The following CCDC171 variants were observed in gnomAD, a reference collection of about 807,000 sequenced individuals.
The protein encoded by CCDC171 is coiled-coil domain-containing protein 171.
A neutral mutation model predicts 168.2 loss-of-function variants in CCDC171; 177 were observed. That is an observed-to-expected ratio of 1.05 (90% CI 0.93 to 1.19). The LOEUF (loss-of-function observed/expected upper bound fraction) is 1.19, where lower values mean the gene tolerates loss of function less well. CCDC171 is among the 50% of genes most tolerant of loss of function. CCDC171 has a pLI of 0.00. For synonymous variants in CCDC171, 687 were observed against 540.8 expected (o/e 1.27, Z -3.75); for missense variants, 1,991 against 1,539.0 (o/e 1.29, Z -4.91).
Position 15,860,361 on chromosome 9 carries a change from A to C in CCDC171, c.3468+11414A>C, listed in dbSNP as rs535802321. ...GTTGAGGTGCCAAATTAAATCGTTT[A>C]TGCGACATCTTTCTTTTTTTTAATG... is the stretch of plus-strand genomic sequence containing the variant. On this transcript the variant is annotated intron_variant, in intron 23 of 25. Coordinates refer to ENST00000380701, the MANE Select transcript of CCDC171 (RefSeq NM_173550.4). Among the ~76,000 whole-genome samples the C allele has an allele frequency of 2.0e-5, 3 of 150,326 alleles. No individual in the cohort carries two copies. In the South Asian group the frequency reaches 6.3e-4, roughly 32 times the overall value.
intron 6 of CCDC171, among the ~76,000 whole-genome samples, chr9:15,616,220 G>A (rs963077907): frequency 2.0e-5 from 3 of 152,112 alleles, no homozygotes; most frequent in Admixed American, 2.0e-4. Context: ...CCAAAGTGCT[G>A]GGATTACAGG....
chr9:15,656,084 C>T (rs933869217), intron 7 of CCDC171, among the ~76,000 whole-genome samples: 1 of 152,070 alleles, frequency 6.6e-6, no homozygotes, highest in East Asian at 1.9e-4. Context: ...CTTTGGGAGG[C>T]CGAGGCGGGC....
At chr9:15,830,911 T>C (rs1327848552) in intron 21 of CCDC171, among the ~76,000 whole-genome samples, 1 of 152,112 alleles carries the variant, frequency 6.6e-6, no homozygotes, top group Non-Finnish European at 1.5e-5. Flanking sequence ...AATGAGTTCC[T>C]TTTGGCTGTT....
intron 16 of CCDC171, among the ~76,000 whole-genome samples, chr9:15,735,852 T>C (rs906219425): frequency 2.0e-5 from 3 of 152,194 alleles, no homozygotes; most frequent in African/African-American, 7.2e-5. Context: ...ATACCTCTAA[T>C]GAAATTGTGG....
chr9:15,934,222 C>G (rs1227084175), intron 25 of CCDC171, among the ~76,000 whole-genome samples: 38 of 151,266 alleles, frequency 2.5e-4, no homozygotes, highest in Admixed American at 2.5e-3. Flanking sequence ...GACCTCATCT[C>G]TACAAAAACT....
intron 6 of CCDC171, among the ~76,000 whole-genome samples, chr9:15,610,455 A>ACAAAAAAAAAC (rs1564043946): frequency 8.1e-6 from 1 of 124,186 alleles, no homozygotes; most frequent in Non-Finnish European, 1.7e-5. Flanking sequence ...AAAAAAAAAA[A>ACAAAAAAAAAC]AAAAAAAAAA....
chr9:15,855,217 C>T (rs1454621610), intron 23 of CCDC171, among the ~76,000 whole-genome samples: 1 of 151,592 alleles, frequency 6.6e-6, no homozygotes, highest in African/African-American at 2.4e-5. Flanking sequence ...TCCTCTTCAA[C>T]TTGGTCAGTT....
chr9:15,701,406 T>G (rs970813572), intron 11 of CCDC171, among the ~76,000 whole-genome samples: 2 of 152,164 alleles, frequency 1.3e-5, no homozygotes, highest in Non-Finnish European at 2.9e-5. Context: ...CCATTTTTAG[T>G]TGATTTTTTA....
At chr9:16,059,999 T>C (rs536297852) in intron 1 of CCDC171, among the ~76,000 whole-genome samples, 1 of 152,168 alleles carries the variant, frequency 6.6e-6, no homozygotes, top group African/African-American at 2.4e-5. Context: ...ATGAAAAGCA[T>C]ATTTTTAATA....
chr9:15,966,727 G>T (rs1830827032), intron 25 of CCDC171, among the ~76,000 whole-genome samples: 2 of 152,050 alleles, frequency 1.3e-5, no homozygotes, highest in South Asian at 4.1e-4. Context: ...CCCATGCCTT[G>T]ATGTCAGTAA....
the CCDC171 span, among the ~76,000 whole-genome samples, chr9:16,073,998 A>G: frequency 2.0e-5 from 3 of 152,118 alleles, no homozygotes; most frequent in Non-Finnish European, 4.4e-5. Flanking sequence ...TTCTAGAACA[A>G]TCTAGCCACA....
chr9:15,872,877 G>T (rs7867018), intron 23 of CCDC171, among the ~76,000 whole-genome samples: 6,866 of 152,076 alleles, frequency 0.045, 331 homozygotes, highest in South Asian at 0.13. Context: ...ATTCATACAT[G>T]TAAAATATAA....
rs886670417 is a variant in CCDC171 at position 15,626,908 on chromosome 9, T to C, written c.822+3495T>C. 8.5e-4 allele frequency among the ~76,000 whole-genome samples: 130 copies of C among 152,354 alleles called. 1 individual carries two copies. Among genetic ancestry groups the C allele is most frequent in the African/African-American group, 2.8e-3 (117 of 41,592 alleles). Reference sequence around the variant, plus strand: ...AAGGAATGGTACCAGCTCCTCCTTGTACCTCTGGTAGAATTTGGTTGTGAA... The same window carrying C: ...AAGGAATGGTACCAGCTCCTCCTTGCACCTCTGGTAGAATTTGGTTGTGAA... On this transcript the variant is annotated intron_variant, in intron 7 of 25. Transcript: ENST00000380701.
At chr9:15,823,552 A>T (rs921674191) in intron 21 of CCDC171, among the ~76,000 whole-genome samples, 2 of 152,110 alleles carry the variant, frequency 1.3e-5, no homozygotes, top group African/African-American at 2.4e-5. Flanking sequence ...CAGTCACAAC[A>T]TGTTAAGATA....
intron 7 of CCDC171, among the ~76,000 whole-genome samples, chr9:15,633,704 A>G (rs928640425): frequency 5.9e-5 from 9 of 152,134 alleles, no homozygotes; most frequent in Non-Finnish European, 1.3e-4. Context: ...AAATCATTCT[A>G]CTATACAGAC....
chr9:15,923,842 G>A (rs1168635361), intron 25 of CCDC171, among the ~76,000 whole-genome samples: 2 of 151,282 alleles, frequency 1.3e-5, no homozygotes, highest in South Asian at 4.1e-4. Flanking sequence ...ATTGTTATTA[G>A]TTTAGTGGCT....
intron 18 of CCDC171, among the ~76,000 whole-genome samples, chr9:15,748,266 A>T (rs1445570036): frequency 6.6e-6 from 1 of 152,202 alleles, no homozygotes; most frequent in East Asian, 1.9e-4. Flanking sequence ...AGAAGACAAG[A>T]TTAGAGAAAA....
At chr9:15,561,211 G>A (rs1378412072) in intron 1 of CCDC171, among the ~76,000 whole-genome samples, 1 of 152,054 alleles carries the variant, frequency 6.6e-6, no homozygotes, top group Admixed American at 6.6e-5. Flanking sequence ...GGTGTAGAGT[G>A]AAATGAGACA....
chr9:15,655,174 A>T (rs2047831230), intron 7 of CCDC171, among the ~76,000 whole-genome samples: 1 of 28,028 alleles, frequency 3.6e-5, no homozygotes, highest in Non-Finnish European at 8.5e-5. Context: ...CTCAAACTTA[A>T]AGTATAAAAA....
Sources: gnomAD v4.1 joint callset for allele counts (sites outside exome capture counted in the v4.1 genomes callset) on GRCh38, gnomAD v4.1.1 for gene constraint, MANE v1.5 for transcripts, NCBI Gene and HGNC (gene_info 2026-07-23, HGNC 2026-07-21) for gene names.